The following NLRP5 variants were observed in gnomAD, a reference collection of about 807,000 sequenced individuals.
NLRP5 encodes NACHT, LRR and PYD domains-containing protein 5.
A neutral mutation model predicts 113.1 loss-of-function variants in NLRP5; 93 were observed. That is an observed-to-expected ratio of 0.82 (90% confidence interval 0.70 to 0.98). The LOEUF is 0.98. NLRP5 is among the 50% of genes least tolerant of loss of function. NLRP5 has a pLI of 0.00. For missense variants in NLRP5, 1,808 were observed against 1,514.3 expected, an observed-to-expected ratio of 1.19 and a Z score of -3.22; for synonymous variants, 751 against 600.7, an observed-to-expected ratio of 1.25 and a Z score of -3.66.
At chr19:56,019,291 C>G in intron 4 of NLRP5, 51 bp from the exon 5 acceptor site, 1 of 1,604,542 alleles carries the variant, frequency 6.2e-7, no homozygotes, top group Non-Finnish European at 8.5e-7. Flanking sequence ...TCTGACATCT[C>G]TGACTCAAAT....
At chr19:55,990,086 T>TTC in the NLRP5 span, among the ~76,000 whole-genome samples, 1,175 of 36,166 alleles carry the variant, frequency 0.032, 60 homozygotes, top group African/African-American at 0.1. Context: ...TTTCTTTTTT[T>TTC]TTTTTTTTTT....
chr19:56,011,691 CTTT>C (rs201802212), intron 3 of NLRP5, among the ~76,000 whole-genome samples: 1 of 143,876 alleles, frequency 7.0e-6, no homozygotes, highest in Non-Finnish European at 1.5e-5. Context: ...TTTCCTATGT[CTTT>C]TTTTTTTTTC....
chr19:56,037,617 C>T (rs971819569), intron 9 of NLRP5, among the ~76,000 whole-genome samples: 7 of 149,536 alleles, frequency 4.7e-5, no homozygotes, highest in Admixed American at 1.3e-4. Flanking sequence ...CGCTTCAATC[C>T]GGGAGATGGA....
At chr19:56,049,082 A>C (rs1478617206) in intron 11 of NLRP5, among the ~76,000 whole-genome samples, 1 of 148,426 alleles carries the variant, frequency 6.7e-6, no homozygotes, top group Non-Finnish European at 1.5e-5. Flanking sequence ...CCTGGACTCA[A>C]GCAATTCTCC....
At chr19:56,040,493 G>T (rs2123322749) in intron 10 of NLRP5, among the ~76,000 whole-genome samples, 1 of 152,312 alleles carries the variant, frequency 6.6e-6, no homozygotes, top group East Asian at 1.9e-4. Flanking sequence ...ATTTGAACCT[G>T]AGAGCAGAGG....
chr19:55,987,715 G>T, the NLRP5 span: 1 of 824,528 alleles, frequency 1.2e-6, no homozygotes, highest in East Asian at 2.5e-5. Flanking sequence ...GGAGGGGTAC[G>T]GTCTGTAGAA....
intron 7 of NLRP5, among the ~76,000 whole-genome samples, chr19:56,031,863 C>T (rs934232151): frequency 6.6e-6 from 1 of 152,180 alleles, no homozygotes; most frequent in African/African-American, 2.4e-5. Flanking sequence ...GAAAATGCCA[C>T]AGTGAGCGTG....
intron 4 of NLRP5, among the ~76,000 whole-genome samples, chr19:56,017,204 G>A (rs1982440939): frequency 6.6e-6 from 1 of 152,088 alleles, no homozygotes; most frequent in South Asian, 2.1e-4. Context: ...GGTCAGTCTG[G>A]CTAAAGGTCT....
At chr19:56,047,347 C>T (rs1276158205) in intron 11 of NLRP5, among the ~76,000 whole-genome samples, 1 of 152,156 alleles carries the variant, frequency 6.6e-6, no homozygotes, top group Admixed American at 6.5e-5. Flanking sequence ...AGTTGATGCT[C>T]TTTCAGCCTT....
In NLRP5 at chr19:56,015,879, G is replaced by A. The variant is rs199475765; in HGVS notation, c.565+81G>A. ...GAAGTTCATGTAGTTCAAAGGACGG[G>A]GAAATCCACTTTCCCTTTCTTCATC... is the stretch of plus-strand genomic sequence containing the variant. On this transcript the variant is annotated intron_variant, in intron 4 of 14. Transcript: ENST00000390649. The A allele has an allele frequency of 3.8e-6, 4 of 1,041,638 alleles. No individual in the cohort carries two copies. The African/African-American group carries it at 4.8e-5, about 13-fold the overall frequency. 64.5% of individuals were successfully genotyped at this position (1,041,638 alleles called of 1,614,324 possible). A position where few individuals can be genotyped will look rare whatever the true frequency, so the allele number is the denominator to read the frequency against.
the NLRP5 span, chr19:55,987,881 A>G: frequency 6.2e-7 from 1 of 1,614,108 alleles, no homozygotes. Flanking sequence ...CTTCACGGGA[A>G]AAAGTGACTG....
At chr19:56,010,851 G>T (rs536306954) in intron 3 of NLRP5, among the ~76,000 whole-genome samples, 2 of 150,282 alleles carry the variant, frequency 1.3e-5, no homozygotes, top group Non-Finnish European at 3.0e-5. Flanking sequence ...ATATTATTTG[G>T]CATAAAAAGG....
chr19:56,003,942 C>G lies in NLRP5; in HGVS notation c.289C>G (p.Pro97Ala). Residue 97 changes from proline to alanine, a missense_variant, in exon 2 of 15, where the codon CCA becomes GCA. Pro to Ala is a conservative substitution (Grantham distance 27, BLOSUM62 -1). Coordinates refer to ENST00000390649, the MANE Select transcript of NLRP5 (RefSeq NM_153447.4). Reference sequence around the variant, plus strand: ...TTCAGAATCGACCACATGCTCTATTCCACAGTTTGAAATCGAGAATGCCAA... The same window carrying G: ...TTCAGAATCGACCACATGCTCTATTGCACAGTTTGAAATCGAGAATGCCAA... The G allele has an allele frequency of 6.2e-7, 1 of 1,614,010 alleles. No homozygotes were observed. Among genetic ancestry groups the G allele is most frequent in the African/African-American group, 1.3e-5 (1 of 75,054 alleles).
At chr19:56,048,795 A>C (rs954431692) in intron 11 of NLRP5, among the ~76,000 whole-genome samples, 5 of 151,938 alleles carry the variant, frequency 3.3e-5, no homozygotes, top group African/African-American at 1.2e-4. Context: ...TTCCTCAATT[A>C]TGCACCCAAA....
At chr19:56,007,452 A>T (rs1255563498) in intron 2 of NLRP5, among the ~76,000 whole-genome samples, 1 of 150,888 alleles carries the variant, frequency 6.6e-6, no homozygotes, top group Non-Finnish European at 1.5e-5. Flanking sequence ...TTAGGCTGAG[A>T]TAAACAAAGA....
At chr19:56,021,091 C>T (rs532082251) in intron 6 of NLRP5, among the ~76,000 whole-genome samples, 2 of 152,066 alleles carry the variant, frequency 1.3e-5, no homozygotes, top group Non-Finnish European at 2.9e-5. Flanking sequence ...AGGTCGGTCT[C>T]GCACTCCTGA....
intron 13 of NLRP5, among the ~76,000 whole-genome samples, chr19:56,054,608 G>A (rs1268054671): frequency 1.3e-5 from 2 of 150,318 alleles, no homozygotes; most frequent in African/African-American, 4.9e-5. Context: ...TCCACCACAT[G>A]GATGAGCCTT....
chr19:56,048,850 A>G (rs1170261339), intron 11 of NLRP5, among the ~76,000 whole-genome samples: 6 of 151,566 alleles, frequency 4.0e-5, no homozygotes, highest in East Asian at 1.9e-4. Flanking sequence ...AGGAATACCA[A>G]TTATTCTTAG....
chr19:56,051,354 G>A lies in NLRP5; in HGVS notation c.3128+766G>A, dbSNP rs149562453. The stretch of plus-strand genomic sequence containing the variant: ...ATTACAGGCATGTGCCACCAGTCCC[G>A]GCTAATTTTTGTACTTTTAGTAGAG... On this transcript the variant is annotated intron_variant, in intron 12 of 14. Transcript: ENST00000390649. 7.0e-3 allele frequency among the ~76,000 whole-genome samples: 1,059 copies of A among 152,092 alleles called. 6 individuals are homozygous for A. Among genetic ancestry groups the A allele is most frequent in the Non-Finnish European group, 9.9e-3 (671 of 67,972 alleles).
Sources: allele counts gnomAD v4.1 joint callset (sites outside exome capture counted in the v4.1 genomes callset), GRCh38; gene constraint gnomAD v4.1.1; transcripts MANE v1.5; gene names NCBI Gene and HGNC (gene_info 2026-07-23, HGNC 2026-07-21).